The following HECW1 variants were observed in gnomAD, a reference collection of about 807,000 sequenced individuals.
HECW1 encodes the protein E3 ubiquitin-protein ligase HECW1.
Under a neutral mutation model 182.3 loss-of-function variants are expected in HECW1, and 61 were observed. That is an observed-to-expected ratio of 0.33 (90% CI 0.27 to 0.41). HECW1 has a LOEUF of 0.41. HECW1 is among the 10% of genes least tolerant of loss of function. HECW1 has a pLI of 1.00. For synonymous variants in HECW1, 859 were observed against 832.6 expected (o/e 1.03, Z -0.55); for missense variants, 1,739 against 2,108.9 (o/e 0.82, Z 3.44).
chr7:43,212,070 G>A (rs1200252852), intron 2 of HECW1, among the ~76,000 whole-genome samples: 2 of 152,196 alleles, frequency 1.3e-5, no homozygotes, highest in Non-Finnish European at 2.9e-5. Flanking sequence ...TTCAATGTAA[G>A]CATTTCTTTA....
Position 43,499,364 on chromosome 7 carries a change from G to A in HECW1, c.3438-1335G>A, listed in dbSNP as rs150368327. On this transcript the variant is annotated intron_variant, in intron 19 of 29. Transcript: ENST00000395891. Reference sequence around the variant, plus strand: ...CATGCCTATAATCCCAGCTACTCAGGAGGCTGAGGCACAAGAATCGTTTGA... The same window carrying A: ...CATGCCTATAATCCCAGCTACTCAGAAGGCTGAGGCACAAGAATCGTTTGA... 8.4e-3 allele frequency among the ~76,000 whole-genome samples: 1,272 copies of A among 152,174 alleles called. 14 individuals are homozygous for A. Among genetic ancestry groups the A allele is most frequent in the African/African-American group, 0.029 (1,220 of 41,498 alleles).
intron 13 of HECW1, among the ~76,000 whole-genome samples, chr7:43,457,609 C>A (rs986247850): frequency 1.3e-5 from 2 of 151,906 alleles, no homozygotes; most frequent in Non-Finnish European, 2.9e-5. Context: ...TCTGTCTCTA[C>A]TAAGAATGCA....
intron 8 of HECW1, among the ~76,000 whole-genome samples, chr7:43,434,482 A>G (rs2076648816): frequency 6.6e-6 from 1 of 152,196 alleles, no homozygotes; most frequent in Non-Finnish European, 1.5e-5. Flanking sequence ...AGTTTATCTC[A>G]CTCCAAAGGT....
chr7:43,492,452 A>G (rs1044764866), intron 18 of HECW1, among the ~76,000 whole-genome samples: 4 of 151,314 alleles, frequency 2.6e-5, no homozygotes, highest in African/African-American at 9.8e-5. Context: ...TCCTTATTCT[A>G]TTCAGTGATT....
At chr7:43,124,719 C>G (rs913734134) in intron 2 of HECW1, among the ~76,000 whole-genome samples, 5 of 152,158 alleles carry the variant, frequency 3.3e-5, no homozygotes, top group African/African-American at 1.2e-4. Flanking sequence ...AGGAGCTTAC[C>G]CTGGTTGTGC....
chr7:43,276,805 C>T (rs1258252199), intron 3 of HECW1, among the ~76,000 whole-genome samples: 1 of 152,230 alleles, frequency 6.6e-6, no homozygotes, highest in Non-Finnish European at 1.5e-5. Flanking sequence ...TTGGCACATG[C>T]TCCAGCTTCT....
intron 3 of HECW1, chr7:43,249,050 G>A (rs1799754235): frequency 6.6e-6 from 1 of 152,326 alleles, no homozygotes; most frequent in South Asian, 2.1e-4. Flanking sequence ...GAGCTCCCGT[G>A]AGGAGACCAA....
intron 2 of HECW1, among the ~76,000 whole-genome samples, chr7:43,229,650 G>A (rs1584076282): frequency 6.6e-6 from 1 of 151,858 alleles, no homozygotes; most frequent in Admixed American, 6.6e-5. Context: ...AAAAATTAAT[G>A]GGCTATAAAT....
intron 3 of HECW1, among the ~76,000 whole-genome samples, chr7:43,280,408 G>A (rs1275932966): frequency 6.6e-6 from 1 of 152,110 alleles, no homozygotes; most frequent in Non-Finnish European, 1.5e-5. Context: ...TCCAAAAAAG[G>A]GCGATTAAAA....
intron 2 of HECW1, among the ~76,000 whole-genome samples, chr7:43,232,756 T>C (rs955518809): frequency 3.3e-5 from 5 of 152,168 alleles, no homozygotes; most frequent in Admixed American, 2.6e-4. Context: ...TAATCCTCTC[T>C]GGGGAGAGGA....
intron 13 of HECW1, among the ~76,000 whole-genome samples, chr7:43,456,923 A>G (rs2077421476): frequency 6.6e-6 from 1 of 152,214 alleles, no homozygotes; most frequent in Non-Finnish European, 1.5e-5. Context: ...AGCTGCTTGG[A>G]GAATAAACTG....
intron 3 of HECW1, among the ~76,000 whole-genome samples, chr7:43,258,257 C>T (rs772536658): frequency 1.3e-5 from 2 of 148,538 alleles, no homozygotes; most frequent in South Asian, 2.1e-4. Context: ...GCATGAGAAT[C>T]GCTTGAACCT....
intron 2 of HECW1, among the ~76,000 whole-genome samples, chr7:43,240,584 A>C (rs1022142943): frequency 1.3e-5 from 2 of 152,160 alleles, no homozygotes; most frequent in African/African-American, 4.8e-5. Flanking sequence ...TTGGGTAGGG[A>C]CAGATAAATA....
In HECW1 at chr7:43,445,244, C is replaced by T; in HGVS notation, c.2072C>T (p.Ser691Phe). ...SCYSSSCYST[S>F]CYSSSCYSAS... Reference sequence around the variant, plus strand: ...TACAGCTCCTCGTGCTACAGCACGTCCTGCTACAGCAGCTCGTGCTACAGC... The same window carrying T: ...TACAGCTCCTCGTGCTACAGCACGTTCTGCTACAGCAGCTCGTGCTACAGC... The change falls in exon 11 of 30, where the codon TCC (serine) becomes TTC (phenylalanine). Residue 691 changes from serine to phenylalanine, a missense_variant. Ser to Phe is a radical substitution (Grantham distance 155). This residue lies in a region of HECW1 where 971 missense variants were observed against 1,029.1 expected (regional missense o/e 0.94). Coordinates refer to ENST00000395891, the MANE Select transcript of HECW1 (RefSeq NM_015052.5). 1.2e-6 allele frequency: 2 copies of T among 1,612,420 alleles called. No homozygotes were observed. The highest frequency in any genetic ancestry group is 1.7e-6 in the Non-Finnish European group (2 of 1,178,818).
intron 16 of HECW1, among the ~76,000 whole-genome samples, chr7:43,470,743 A>ACG (rs754032545): frequency 6.6e-6 from 1 of 152,022 alleles, no homozygotes; most frequent in African/African-American, 2.4e-5. Flanking sequence ...ACACATGCTC[A>ACG]CACACACACA....
chr7:43,495,980 A>G (rs1019805451), intron 19 of HECW1, among the ~76,000 whole-genome samples: 45 of 151,994 alleles, frequency 3.0e-4, no homozygotes, highest in Non-Finnish European at 1.2e-4. Context: ...TAATCATTAG[A>G]AAAGGTTTTT....
chr7:43,430,351 C>A (rs1309492385), intron 8 of HECW1, among the ~76,000 whole-genome samples: 1 of 152,176 alleles, frequency 6.6e-6, no homozygotes, highest in African/African-American at 2.4e-5. Context: ...ACCCACGGCA[C>A]AATTTTCCTT....
In HECW1 at chr7:43,143,345, T is replaced by C. The variant is rs544540333; in HGVS notation, c.-32+28954T>C. On this transcript the variant is annotated intron_variant, in intron 2 of 29. Coordinates refer to ENST00000395891, the MANE Select transcript of HECW1 (RefSeq NM_015052.5). ...GTCAATGATGCTGAAGTGCAGGGGCTTGATCACAGCTAACTGCAGCCTCAA... is the reference window on the plus strand; with the variant it reads ...GTCAATGATGCTGAAGTGCAGGGGCCTGATCACAGCTAACTGCAGCCTCAA... Among the ~76,000 whole-genome samples the C allele has an allele frequency of 7.2e-5, 11 of 152,274 alleles. No homozygotes were observed. In the South Asian group the frequency reaches 2.1e-3, roughly 29 times the overall value.
intron 10 of HECW1, among the ~76,000 whole-genome samples, chr7:43,443,063 T>G (rs187211701): frequency 6.6e-6 from 1 of 152,348 alleles, no homozygotes; most frequent in Admixed American, 6.5e-5. Flanking sequence ...TACAATGAAT[T>G]TTTATAATAT....
Sources: allele counts gnomAD v4.1 joint callset (sites outside exome capture counted in the v4.1 genomes callset), GRCh38; gene constraint gnomAD v4.1.1; regional missense constraint gnomAD v4.1.1; transcripts MANE v1.5; gene names NCBI Gene and HGNC (gene_info 2026-07-23, HGNC 2026-07-21).